WWOX: variants seen among roughly 807,000 people sequenced by gnomAD.
WWOX encodes the protein WW domain-containing oxidoreductase.
In WWOX, 69 loss-of-function variants were observed where a neutral mutation model predicts 46.2. The ratio of observed to expected loss-of-function variants is 1.49; its 90% CI spans 1.23 to 1.82. The LOEUF is 1.82. Among genes scored for constraint, WWOX ranks in the 40% most tolerant of loss-of-function variants. WWOX has a pLI of 0.00. For synonymous variants in WWOX, 359 were observed against 202.6 expected (o/e 1.77, Z -6.56); for missense variants, 919 against 542.6 (o/e 1.69, Z -6.89).
chr16:78,868,520 A>G (rs537682544), intron 8 of WWOX, among the ~76,000 whole-genome samples: 2 of 152,210 alleles, frequency 1.3e-5, no homozygotes, highest in Admixed American at 6.5e-5. Flanking sequence ...ATCATATGGT[A>G]TGTGAATTTC....
intron 8 of WWOX, among the ~76,000 whole-genome samples, chr16:79,055,335 A>G (rs1203634050): frequency 6.6e-6 from 1 of 152,170 alleles, no homozygotes; most frequent in African/African-American, 2.4e-5. Context: ...TCATTGAGAG[A>G]TAGAGTTGAA....
chr16:78,567,889 C>G (rs1050518204), intron 8 of WWOX, among the ~76,000 whole-genome samples: 2 of 152,154 alleles, frequency 1.3e-5, no homozygotes, highest in African/African-American at 4.8e-5. Flanking sequence ...TCTAATGGAA[C>G]AGAAACAAGC....
At chr16:78,389,833 C>G (rs1428788685) in intron 6 of WWOX, among the ~76,000 whole-genome samples, 2 of 152,162 alleles carry the variant, frequency 1.3e-5, no homozygotes, top group African/African-American at 4.8e-5. Context: ...TCATTGCAAC[C>G]TCTGGCCTTG....
chr16:79,156,591 A>T (rs1257391184), intron 8 of WWOX, among the ~76,000 whole-genome samples: 1 of 152,222 alleles, frequency 6.6e-6, no homozygotes, highest in African/African-American at 2.4e-5. Context: ...GTTAAAAACC[A>T]GACAATTAAC....
At chr16:78,261,427 T>C (rs910102391) in intron 5 of WWOX, among the ~76,000 whole-genome samples, 1 of 150,146 alleles carries the variant, frequency 6.7e-6, no homozygotes, top group Non-Finnish European at 1.5e-5. Flanking sequence ...AATAAATAAA[T>C]AAATAAATAT....
At chr16:79,095,392 A>G (rs759628406) in intron 8 of WWOX, among the ~76,000 whole-genome samples, 7 of 152,116 alleles carry the variant, frequency 4.6e-5, no homozygotes, top group African/African-American at 9.7e-5. Context: ...TATTTTCAGA[A>G]TGGAGAAATT....
chr16:78,661,406 T>A (rs2047209090), intron 8 of WWOX, among the ~76,000 whole-genome samples: 2 of 152,292 alleles, frequency 1.3e-5, no homozygotes, highest in South Asian at 4.1e-4. Context: ...CTGGGCAATT[T>A]TTTTTTCCCC....
chr16:78,635,179 C>T (rs969546414), intron 8 of WWOX, among the ~76,000 whole-genome samples: 1 of 152,170 alleles, frequency 6.6e-6, no homozygotes, highest in Non-Finnish European at 1.5e-5. Context: ...CAGTCAAAGG[C>T]TTCCTGACTC....
intron 8 of WWOX, among the ~76,000 whole-genome samples, chr16:79,169,863 G>A (rs535681450): frequency 6.6e-6 from 1 of 152,158 alleles, no homozygotes; most frequent in African/African-American, 2.4e-5. Context: ...TTGCAGGGAA[G>A]TTCTTACAGC....
At chr16:79,190,225 G>A (rs564416150) in intron 8 of WWOX, among the ~76,000 whole-genome samples, 79 of 152,080 alleles carry the variant, frequency 5.2e-4, no homozygotes, top group Non-Finnish European at 7.1e-4. Flanking sequence ...GGGTTTCACC[G>A]TGTTGGCCAG....
chr16:78,720,290 A>T (rs577914775), intron 8 of WWOX, among the ~76,000 whole-genome samples: 1 of 146,222 alleles, frequency 6.8e-6, no homozygotes, highest in Non-Finnish European at 1.5e-5. Context: ...AATCATCTGA[A>T]CCTGACGGTT....
chr16:78,716,066 G>A (rs2048553503), intron 8 of WWOX, among the ~76,000 whole-genome samples: 1 of 150,386 alleles, frequency 6.6e-6, no homozygotes, highest in Non-Finnish European at 1.5e-5. Context: ...TAAAGGAAAG[G>A]GGAAAAAAAA....
chr16:78,111,489 A>G (rs2032486874), intron 3 of WWOX, among the ~76,000 whole-genome samples: 1 of 152,176 alleles, frequency 6.6e-6, no homozygotes, highest in Non-Finnish European at 1.5e-5. Context: ...CACCCGCATA[A>G]GGGCTGCTTG....
At chr16:78,627,211 A>C (rs1436111156) in intron 8 of WWOX, among the ~76,000 whole-genome samples, 1 of 151,826 alleles carries the variant, frequency 6.6e-6, no homozygotes, top group African/African-American at 2.4e-5. Flanking sequence ...CTTTCAGGCC[A>C]CTCTTCCCCC....
intron 8 of WWOX, chr16:78,535,368 C>A (rs2043733635): frequency 1.3e-5 from 2 of 152,224 alleles, no homozygotes; most frequent in South Asian, 4.1e-4. Flanking sequence ...TTCTCTCCAT[C>A]TCCTTACAGC....
In WWOX at chr16:78,426,960, C is replaced by T. The variant is rs540253810; in HGVS notation, c.791+1905C>T. 3.9e-4 allele frequency among the ~76,000 whole-genome samples: 60 copies of T among 152,296 alleles called. No individual in the cohort carries two copies. In the South Asian group the frequency reaches 0.012, roughly 32 times the overall value. On this transcript the variant is annotated intron_variant, in intron 7 of 8. Coordinates refer to ENST00000566780, the MANE Select transcript of WWOX (RefSeq NM_016373.4). ...TACAGGCGTGAGCCACCACGCCCGGCCTCTTTGCACATTATTTAAGGGTGT... is the reference window on the plus strand; with the variant it reads ...TACAGGCGTGAGCCACCACGCCCGGTCTCTTTGCACATTATTTAAGGGTGT...
At chr16:78,678,105 C>T (rs2047646883) in intron 8 of WWOX, among the ~76,000 whole-genome samples, 1 of 152,224 alleles carries the variant, frequency 6.6e-6, no homozygotes, top group Non-Finnish European at 1.5e-5. Flanking sequence ...TGCCCTCCCC[C>T]TCCCCACTGG....
chr16:78,529,469 G>GT (rs56694276), intron 8 of WWOX, among the ~76,000 whole-genome samples: 4,388 of 151,494 alleles, frequency 0.029, 159 homozygotes, highest in African/African-American at 0.086. Context: ...AATGTTTTTC[G>GT]TTTTTTTTAT....
intron 8 of WWOX, among the ~76,000 whole-genome samples, chr16:79,003,892 G>A (rs1056230779): frequency 6.6e-6 from 1 of 152,164 alleles, no homozygotes; most frequent in Non-Finnish European, 1.5e-5. Flanking sequence ...TCCACCTCTC[G>A]ATGAGAGGAG....
Sources: allele counts gnomAD v4.1 joint callset (sites outside exome capture counted in the v4.1 genomes callset), GRCh38; gene constraint gnomAD v4.1.1; transcripts MANE v1.5; gene names NCBI Gene and HGNC (gene_info 2026-07-23, HGNC 2026-07-21).